Variants in KANK1 observed in about 807,000 individuals in gnomAD.
The protein encoded by KANK1 is KN motif and ankyrin repeat domains 1, also known as KN motif and ankyrin repeat domain-containing protein 1.
Under a neutral mutation model 106.2 loss-of-function variants are expected in KANK1, and 109 were observed. The ratio of observed to expected loss-of-function variants is 1.03; its 90% CI spans 0.88 to 1.20. KANK1 has a LOEUF of 1.20. Among genes scored for constraint, KANK1 ranks in the 50% most tolerant of loss-of-function variants. The pLI is 0.00. For synonymous variants in KANK1, 873 were observed against 652.2 expected, an observed-to-expected ratio of 1.34 and a Z score of -5.16; for missense variants, 2,399 against 1,710.7, an observed-to-expected ratio of 1.40 and a Z score of -7.10.
Position 581,919 on chromosome 9 carries a change from TCA to T in KANK1, c.-84+77168_-84+77169del, listed in dbSNP as rs368443716. On this transcript the variant is annotated intron_variant, in intron 1 of 11. Coordinates refer to ENST00000382297, the MANE Select transcript of KANK1 (RefSeq NM_015158.5). Reference sequence around the variant, plus strand: ...GTATGGCCATCTGCCACTCAGAGTTTCACAGTCATTCACTTCCAAGATCTCCC... The same window carrying T: ...GTATGGCCATCTGCCACTCAGAGTTTCAGTCATTCACTTCCAAGATCTCCC... Among the ~76,000 whole-genome samples, 600 of 152,284 alleles carry T rather than the reference TCA, an allele frequency of 3.9e-3. 3 individuals carry two copies. The highest frequency in any genetic ancestry group is 0.014 in the African/African-American group (580 of 41,546).
chr9:693,606 C>A, intron 2 of KANK1: 3 of 985,324 alleles, frequency 3.0e-6, no homozygotes, highest in Non-Finnish European at 3.6e-6. Flanking sequence ...TGGAATTAAA[C>A]CCCGTGGCCA....
chr9:667,344 AG>A (rs1163678138), intron 1 of KANK1, among the ~76,000 whole-genome samples: 2 of 149,168 alleles, frequency 1.3e-5, no homozygotes, highest in African/African-American at 4.9e-5. Flanking sequence ...AAGTTTTGTC[AG>A]TTTTTTTTTA....
At position 711,567 on chromosome 9, in the gene KANK1, G is replaced by A. The variant is rs1395025258; in HGVS notation, c.801G>A (p.Met267Ile). Residue 267 changes from methionine to isoleucine, a missense_variant, in exon 3 of 12, where the codon ATG (methionine) becomes ATA (isoleucine). By Grantham distance (10) the Met-to-Ile change is conservative (BLOSUM62 1). Transcript: ENST00000382297. ...ACCTGCAGCACATCCGCGAGCAGAT[G>A]GCCATTGCTCTGAAACGCCTGAAGG... is the stretch of plus-strand genomic sequence containing the variant. ...PMHLQHIREQ[M>I]AIALKRLKEL... 3.1e-6 allele frequency: 5 copies of A among 1,614,026 alleles called. No individual in the cohort carries two copies. Among genetic ancestry groups the A allele is most frequent in the Non-Finnish European group, 4.2e-6 (5 of 1,179,956 alleles).
At chr9:708,079 T>C in intron 2 of KANK1, among the ~76,000 whole-genome samples, 1 of 19,952 alleles carries the variant, frequency 5.0e-5, no homozygotes, top group Non-Finnish European at 9.6e-5. Context: ...TGCTGCAGCT[T>C]CTCTCCTGTT....
intron 2 of KANK1, among the ~76,000 whole-genome samples, chr9:695,567 G>A (rs114411860): frequency 2.2e-4 from 33 of 151,080 alleles, no homozygotes; most frequent in African/African-American, 8.0e-4. Flanking sequence ...GACTTACTTG[G>A]TCTTGAACAA....
At chr9:713,582 T>G (rs1826825202) in intron 3 of KANK1, 118 bp downstream of exon 3, 3 of 1,091,174 alleles carry the variant, frequency 2.7e-6, no homozygotes, top group Non-Finnish European at 3.9e-6. Context: ...GGAGAAAGTT[T>G]TAGAGTGGTA....
intron 2 of KANK1, among the ~76,000 whole-genome samples, chr9:679,168 A>C (rs1472932862): frequency 6.6e-6 from 1 of 152,084 alleles, no homozygotes; most frequent in African/African-American, 2.4e-5. Flanking sequence ...CAGAGTATGA[A>C]TTGTTACTGC....
At chr9:609,111 T>C (rs1413150340) in intron 1 of KANK1, among the ~76,000 whole-genome samples, 1 of 150,868 alleles carries the variant, frequency 6.6e-6, no homozygotes, top group Non-Finnish European at 1.5e-5. Flanking sequence ...TTCAGAAAGC[T>C]GGCTGAAAAA....
chr9:613,710 C>G (rs552911205), intron 1 of KANK1, among the ~76,000 whole-genome samples: 1 of 152,186 alleles, frequency 6.6e-6, no homozygotes, highest in South Asian at 2.1e-4. Flanking sequence ...AGTAGTATTT[C>G]AAATGAGATT....
chr9:603,422 C>G (rs10815316), intron 1 of KANK1, among the ~76,000 whole-genome samples: 9,623 of 151,758 alleles, frequency 0.063, 991 homozygotes, highest in East Asian at 0.24. Flanking sequence ...GAAGAATTCA[C>G]TAAGAGCAGT....
intron 2 of KANK1, among the ~76,000 whole-genome samples, chr9:678,775 T>C (rs1316749010): frequency 6.6e-6 from 1 of 152,118 alleles, no homozygotes; most frequent in Non-Finnish European, 1.5e-5. Context: ...GTAAAATATT[T>C]GGTGAGAGAG....
intron 2 of KANK1, among the ~76,000 whole-genome samples, chr9:695,606 C>T (rs1821055346): frequency 6.8e-6 from 1 of 147,326 alleles, no homozygotes; most frequent in African/African-American, 2.5e-5. Flanking sequence ...ACCCTGACTT[C>T]GTGGGGGGGG....
At chr9:667,802 G>A (rs868246071) in intron 1 of KANK1, among the ~76,000 whole-genome samples, 20 of 149,158 alleles carry the variant, frequency 1.3e-4, no homozygotes, top group African/African-American at 4.7e-4. Context: ...GTGCAGTGGT[G>A]CAATCTGCAA....
At chr9:742,693 A>C (rs1315436182) in intron 10 of KANK1, among the ~76,000 whole-genome samples, 2 of 152,222 alleles carry the variant, frequency 1.3e-5, no homozygotes, top group Non-Finnish European at 2.9e-5. Flanking sequence ...CCCCTCTACT[A>C]AAGGGAAATC....
At chr9:682,865 G>C (rs918418148) in intron 2 of KANK1, among the ~76,000 whole-genome samples, 7 of 152,206 alleles carry the variant, frequency 4.6e-5, no homozygotes, top group African/African-American at 1.7e-4. Context: ...GACAGAGCCA[G>C]GCTCATGGCA....
At chr9:585,782 G>A (rs1025816038) in intron 1 of KANK1, among the ~76,000 whole-genome samples, 11 of 152,156 alleles carry the variant, frequency 7.2e-5, no homozygotes, top group Admixed American at 6.5e-4. Context: ...GAACTGATGG[G>A]CACAAAGGCA....
At chr9:674,385 T>A (rs67962396) in intron 1 of KANK1, 54,203 of 140,766 alleles carry the variant, frequency 0.39, 10,358 homozygotes, top group East Asian at 0.61. Context: ...GCAATCTGTT[T>A]AAAAAAAAAA....
intron 1 of KANK1, among the ~76,000 whole-genome samples, chr9:568,966 G>A (rs533435122): frequency 9.9e-5 from 15 of 152,236 alleles, no homozygotes; most frequent in African/African-American, 3.6e-4. Flanking sequence ...TGAGTATGTA[G>A]CTCACTGTAG....
At chr9:587,486 A>G (rs1823785676) in intron 1 of KANK1, among the ~76,000 whole-genome samples, 4 of 152,248 alleles carry the variant, frequency 2.6e-5, no homozygotes, top group Non-Finnish European at 5.9e-5. Flanking sequence ...TACTCAATTT[A>G]TTGCAGGCTT....
Sources: allele counts gnomAD v4.1 joint callset (sites outside exome capture counted in the v4.1 genomes callset), GRCh38; gene constraint gnomAD v4.1.1; transcripts MANE v1.5; gene names NCBI Gene and HGNC (gene_info 2026-07-23, HGNC 2026-07-21).